The following PDCD6 variants were observed in gnomAD, a reference collection of about 807,000 sequenced individuals.
PDCD6 encodes programmed cell death protein 6.
PDCD6 carries 12 observed loss-of-function variants against 28.3 expected under a neutral mutation model. The ratio of observed to expected loss-of-function variants is 0.42; its 90% confidence interval spans 0.27 to 0.69. PDCD6 has a LOEUF of 0.69. Among genes scored for constraint, PDCD6 ranks in the 30% least tolerant of loss-of-function variants. The probability of loss-of-function intolerance (pLI) is 0.22; values close to 1 mark genes in which losing one functional copy is unlikely to be tolerated. For missense variants in PDCD6, 226 were observed against 269.9 expected, an observed-to-expected ratio of 0.84 and a Z score of 1.14; for synonymous variants, 92 against 108.0, an observed-to-expected ratio of 0.85 and a Z score of 0.92.
intron 2 of PDCD6, among the ~76,000 whole-genome samples, chr5:295,935 G>A (rs4957016): frequency 0.72 from 106,634 of 148,608 alleles, 38,665 homozygotes; most frequent in Non-Finnish European, 0.75. Context: ...AGGAAAACAG[G>A]AATTAGGGAG....
chr5:302,271 T>C (rs1740127191), intron 2 of PDCD6, among the ~76,000 whole-genome samples: 1 of 139,838 alleles, frequency 7.2e-6, no homozygotes, highest in East Asian at 2.2e-4. Context: ...CCTGCATAAC[T>C]GCTGGAGGGC....
intron 2 of PDCD6, chr5:273,484 C>T (rs1737974682): frequency 6.6e-6 from 1 of 152,606 alleles, no homozygotes; most frequent in African/African-American, 2.4e-5. Context: ...TCTGTAATCC[C>T]TCAGGGGCAG....
intron 4 of PDCD6, chr5:309,653 C>G (rs1740773175): frequency 5.5e-5 from 7 of 126,654 alleles, no homozygotes; most frequent in South Asian, 8.3e-5. Flanking sequence ...GGGCCGCCGT[C>G]CCCGTGCACA....
At chr5:274,950 G>A (rs1182596438) in intron 2 of PDCD6, among the ~76,000 whole-genome samples, 2 of 152,158 alleles carry the variant, frequency 1.3e-5, no homozygotes, top group African/African-American at 4.8e-5. Context: ...CCATTCCTGA[G>A]ATACTTTGAA....
At position 298,493 on chromosome 5, in the gene PDCD6, G is replaced by A. The variant is rs1196874622; in HGVS notation, c.164-5684G>A. 2.0e-5 allele frequency among the ~76,000 whole-genome samples: 3 copies of A among 151,736 alleles called. 1 individual carries two copies. The highest frequency in any genetic ancestry group is 6.6e-5 in the Admixed American group (1 of 15,250). ...CTGGCAAACTCTCCTCCCCAGCTCC[G>A]TTCCAAGCTCTGTGGGGCTCCGGCA... On this transcript the variant is annotated intron_variant, in intron 2 of 5. Transcript: ENST00000264933.
At chr5:311,546 G>A in intron 5 of PDCD6, 144 bp downstream of exon 5, 1 of 623,444 alleles carries the variant, frequency 1.6e-6, no homozygotes, top group Non-Finnish European at 2.9e-6. Context: ...CATCTTTGGA[G>A]AAGTAGCCGG....
At chr5:286,638 A>G (rs1441623567) in intron 2 of PDCD6, among the ~76,000 whole-genome samples, 7 of 143,166 alleles carry the variant, frequency 4.9e-5, no homozygotes, top group Non-Finnish European at 9.0e-5. Context: ...TTTCAGGGCC[A>G]TGCATCTTGA....
intron 2 of PDCD6, among the ~76,000 whole-genome samples, chr5:285,650 C>T (rs187479963): frequency 3.9e-5 from 5 of 129,556 alleles, no homozygotes; most frequent in East Asian, 2.5e-4. Context: ...GTGCAGCTGG[C>T]GACCCGGGTG....
At chr5:303,205 C>T (rs1740221447) in intron 2 of PDCD6, among the ~76,000 whole-genome samples, 1 of 151,722 alleles carries the variant, frequency 6.6e-6, no homozygotes, top group Non-Finnish European at 1.5e-5. Flanking sequence ...CAGCAGACCC[C>T]ACCGCCCGTG....
In PDCD6 at chr5:300,110, G is replaced by T. The variant is rs549330809; in HGVS notation, c.164-4067G>T. ...GGTGTGGATTGCTCAAACCCTGCAC[G>T]TTCCCAGGAGGGGCCCTTGGCTGGC... On this transcript the variant is annotated intron_variant, in intron 2 of 5. Coordinates refer to ENST00000264933, the MANE Select transcript of PDCD6 (RefSeq NM_013232.4). Among the ~76,000 whole-genome samples, 238 of 152,206 alleles carry T rather than the reference G, an allele frequency of 1.6e-3. 1 individual carries two copies. The highest frequency in any genetic ancestry group is 2.0e-3 in the Non-Finnish European group (134 of 68,038).
intron 2 of PDCD6, among the ~76,000 whole-genome samples, chr5:278,840 T>C (rs1003955801): frequency 5.3e-5 from 1 of 18,742 alleles, no homozygotes; most frequent in African/African-American, 2.2e-4. Flanking sequence ...AGGAGGGTGC[T>C]GGGGATGCGG....
chr5:299,526 A>G (rs922159244), intron 2 of PDCD6, among the ~76,000 whole-genome samples: 12 of 149,322 alleles, frequency 8.0e-5, no homozygotes, highest in Admixed American at 5.3e-4. Flanking sequence ...TACTTTTAAG[A>G]AATAATTCTT....
At chr5:298,232 G>A (rs1030125891) in intron 2 of PDCD6, among the ~76,000 whole-genome samples, 25 of 152,212 alleles carry the variant, frequency 1.6e-4, no homozygotes, top group African/African-American at 5.5e-4. Context: ...GTCTCTGAGG[G>A]GTGCCTGGAA....
chr5:294,812 G>A (rs1425358420), intron 2 of PDCD6, among the ~76,000 whole-genome samples: 2 of 152,130 alleles, frequency 1.3e-5, no homozygotes, highest in Non-Finnish European at 2.9e-5. Flanking sequence ...AGGAGGAGGC[G>A]GGAACCAACG....
At chr5:303,706 T>C (rs1424020352) in intron 2 of PDCD6, among the ~76,000 whole-genome samples, 1 of 151,188 alleles carries the variant, frequency 6.6e-6, no homozygotes, top group Non-Finnish European at 1.5e-5. Flanking sequence ...GTAGAATTAG[T>C]GTGAATGCCA....
intron 2 of PDCD6, among the ~76,000 whole-genome samples, chr5:300,231 G>A (rs926782207): frequency 2.6e-5 from 4 of 152,350 alleles, no homozygotes; most frequent in African/African-American, 9.6e-5. Flanking sequence ...CAAGGTGATG[G>A]ATGGCAAACA....
At chr5:297,803 G>A (rs1288619199) in intron 2 of PDCD6, among the ~76,000 whole-genome samples, 2 of 152,164 alleles carry the variant, frequency 1.3e-5, no homozygotes, top group African/African-American at 4.8e-5. Context: ...AAAGACTTTA[G>A]AAGTCATCCA....
chr5:282,549 C>T (rs781000409), intron 2 of PDCD6, among the ~76,000 whole-genome samples: 7 of 151,870 alleles, frequency 4.6e-5, no homozygotes, highest in African/African-American at 9.7e-5. Flanking sequence ...GGTCATGCAG[C>T]TGAAGACTCG....
At chr5:314,285 C>CCTGTGCTGGGCTCCCTG in intron 5 of PDCD6, 132 bp from the exon 6 acceptor site, 1 of 643,232 alleles carries the variant, frequency 1.6e-6, no homozygotes, top group Non-Finnish European at 2.8e-6. Context: ...CCTGCGCCTC[C>CCTGTGCTGGGCTCCCTG]CTGTGCTGGG....
Sources: allele counts gnomAD v4.1 joint callset (sites outside exome capture counted in the v4.1 genomes callset), GRCh38; gene constraint gnomAD v4.1.1; transcripts MANE v1.5; gene names NCBI Gene and HGNC (gene_info 2026-07-23, HGNC 2026-07-21).